The following DAPK2 variants were observed in gnomAD, a reference collection of about 807,000 sequenced individuals.
The protein encoded by DAPK2 is death associated protein kinase 2.
A neutral mutation model predicts 44.1 loss-of-function variants in DAPK2; 35 were observed. The observed-to-expected ratio is 0.79, with a 90% CI of 0.61 to 1.05. The LOEUF (loss-of-function observed/expected upper bound fraction) is 1.05, where lower values mean the gene tolerates loss of function less well. Ranked by LOEUF, DAPK2 falls within the 50% of genes least tolerant of loss-of-function variation. The pLI is 0.00. For synonymous variants in DAPK2, 174 were observed against 182.6 expected, an observed-to-expected ratio of 0.95 and a Z score of 0.38; for missense variants, 453 against 483.2, an observed-to-expected ratio of 0.94 and a Z score of 0.59.
At chr15:63,915,185 A>G (rs1476034990) in intron 8 of DAPK2, among the ~76,000 whole-genome samples, 1 of 152,072 alleles carries the variant, frequency 6.6e-6, no homozygotes, top group Non-Finnish European at 1.5e-5. Flanking sequence ...TGTTATTTTT[A>G]TTTTTACTTT....
At chr15:63,986,265 G>C (rs2078665847) in intron 1 of DAPK2, among the ~76,000 whole-genome samples, 1 of 152,242 alleles carries the variant, frequency 6.6e-6, no homozygotes, top group South Asian at 2.1e-4. Context: ...CTGTCAAATG[G>C]GAATCAGGGT....
Position 63,912,034 on chromosome 15 carries a change from A to G in DAPK2, c.949-43T>C, listed in dbSNP as rs776369000. ...AAGGAATCCCCAGGTGAGAATGTGC[A>G]TGGAGACCCTGGAGAGCCAGAAACC... On this transcript the variant is annotated intron_variant, in intron 9 of 10. Transcript: ENST00000261891. The surrounding 1 kb of genome is among the most constrained non-coding windows in gnomAD (Gnocchi z 4.4). The G allele has an allele frequency of 1.6e-5, 26 of 1,604,742 alleles. No homozygotes were observed. The highest frequency in any genetic ancestry group is 1.6e-4 in the South Asian group (14 of 89,456).
chr15:64,018,364 C>T (rs2079591039), intron 1 of DAPK2, among the ~76,000 whole-genome samples: 2 of 152,222 alleles, frequency 1.3e-5, no homozygotes, highest in African/African-American at 4.8e-5. Context: ...ATTAGCTCTA[C>T]TAACCCAGCG....
intron 1 of DAPK2, among the ~76,000 whole-genome samples, chr15:64,016,220 T>A (rs2079522209): frequency 6.6e-6 from 1 of 152,214 alleles, no homozygotes; most frequent in Non-Finnish European, 1.5e-5. Context: ...ACAGCCATGG[T>A]CCTGTCCACC....
chr15:63,955,758 G>A lies in DAPK2; in HGVS notation c.453+15665C>T, dbSNP rs377030792. Among the ~76,000 whole-genome samples, 47 of 152,198 alleles carry A rather than the reference G, an allele frequency of 3.1e-4. 2 individuals are homozygous for A. The Middle Eastern group carries it at 0.01, about 33-fold the overall frequency. ...AATTTTTGTATTTTCAGTAGAGACA[G>A]GGCTTCTCCATGTTGCCCAGGTTGG... is the stretch of plus-strand genomic sequence containing the variant. On this transcript the variant is annotated intron_variant, in intron 3 of 10. Coordinates refer to ENST00000261891, the Ensembl canonical transcript of DAPK2.
At chr15:64,019,047 C>T (rs538693066) in intron 1 of DAPK2, among the ~76,000 whole-genome samples, 44 of 152,280 alleles carry the variant, frequency 2.9e-4, no homozygotes, top group African/African-American at 1.1e-3. Flanking sequence ...ATGGTTGGTG[C>T]TTAACCAGTG....
chr15:64,025,782 A>G (rs986787819), intron 1 of DAPK2, among the ~76,000 whole-genome samples: 3 of 152,220 alleles, frequency 2.0e-5, no homozygotes, highest in Non-Finnish European at 2.9e-5. Context: ...AAAATATAAT[A>G]ATAATTGAGT....
At chr15:63,909,669 G>A (rs979090838) in intron 10 of DAPK2, 1 of 152,178 alleles carries the variant, frequency 6.6e-6, no homozygotes, top group African/African-American at 2.4e-5. Context: ...AGGCATGGTG[G>A]TGCAAGCCTG....
At chr15:63,974,657 T>G (rs2078297046) in intron 2 of DAPK2, among the ~76,000 whole-genome samples, 1 of 152,208 alleles carries the variant, frequency 6.6e-6, no homozygotes, top group African/African-American at 2.4e-5. Flanking sequence ...CTATTCATAT[T>G]CTTAAAAGGT....
chr15:64,034,795 AT>A (rs2080131294), intron 1 of DAPK2, among the ~76,000 whole-genome samples: 1 of 152,228 alleles, frequency 6.6e-6, no homozygotes, highest in East Asian at 1.9e-4. Context: ...CATCTATAAA[AT>A]GGTAGATTTG....
intron 3 of DAPK2, among the ~76,000 whole-genome samples, chr15:63,962,326 C>T (rs569383888): frequency 3.3e-5 from 5 of 152,306 alleles, no homozygotes; most frequent in South Asian, 4.1e-4. Flanking sequence ...TATTACCGAT[C>T]GTCTGAAGCC....
At chr15:63,932,867 T>A (rs1344002861) in intron 4 of DAPK2, among the ~76,000 whole-genome samples, 1 of 152,262 alleles carries the variant, frequency 6.6e-6, no homozygotes, top group African/African-American at 2.4e-5. Context: ...TGAACATTTA[T>A]GCTTCTAGTG....
intron 1 of DAPK2, among the ~76,000 whole-genome samples, chr15:64,031,507 AC>A: frequency 6.6e-6 from 1 of 152,212 alleles, no homozygotes; most frequent in African/African-American, 2.4e-5. Flanking sequence ...TGTTGGGATT[AC>A]AAGCGTCAGC....
At chr15:63,985,917 A>T (rs190648280) in intron 1 of DAPK2, among the ~76,000 whole-genome samples, 3 of 152,332 alleles carry the variant, frequency 2.0e-5, no homozygotes, top group Admixed American at 6.5e-5. Flanking sequence ...TTTGCGAGAC[A>T]GCTGTGGCAA....
At chr15:63,958,764 G>T (rs1026317220) in intron 3 of DAPK2, among the ~76,000 whole-genome samples, 1 of 152,212 alleles carries the variant, frequency 6.6e-6, no homozygotes, top group Non-Finnish European at 1.5e-5. Flanking sequence ...TAGCATTGTA[G>T]TATAGTTTGA....
chr15:63,961,344 T>C (rs1384787716), intron 3 of DAPK2, among the ~76,000 whole-genome samples: 6 of 152,192 alleles, frequency 3.9e-5, no homozygotes, highest in Non-Finnish European at 7.3e-5. Context: ...CCATTTACAT[T>C]TAAGGTTAAT....
At chr15:64,026,118 G>A (rs911673909) in intron 1 of DAPK2, among the ~76,000 whole-genome samples, 2 of 152,174 alleles carry the variant, frequency 1.3e-5, no homozygotes, top group African/African-American at 2.4e-5. Flanking sequence ...AGAGGCTGGC[G>A]GCTGAGCCAT....
rs575858323 is a variant in DAPK2, at chr15:63,912,851, C to T, written c.859-654G>A. 6.6e-6 allele frequency among the ~76,000 whole-genome samples: 1 copy of T among 152,306 alleles called. No individual in the cohort carries two copies. Among genetic ancestry groups the T allele is most frequent in the South Asian group, 2.1e-4 (1 of 4,826 alleles). ...ATATAAAGTGCTTAGCCCAGCACCA[C>T]TCAATAAATAGTAATAAGTTATTGT... On this transcript the variant is annotated intron_variant, in intron 8 of 10. Coordinates refer to ENST00000261891, the Ensembl canonical transcript of DAPK2. The surrounding 1 kb of genome is among the most constrained non-coding windows in gnomAD (Gnocchi z 4.4).
chr15:63,979,460 G>A (rs2140822281), intron 2 of DAPK2, among the ~76,000 whole-genome samples: 1 of 152,336 alleles, frequency 6.6e-6, no homozygotes, highest in South Asian at 2.1e-4. Context: ...AGTGGGATCA[G>A]CGTAGACTCA....
Sources: allele counts gnomAD v4.1 joint callset (sites outside exome capture counted in the v4.1 genomes callset), GRCh38; gene constraint gnomAD v4.1.1; non-coding constraint Gnocchi (gnomAD v3.1); transcripts MANE v1.5; gene names NCBI Gene and HGNC (gene_info 2026-07-23, HGNC 2026-07-21).